Variants in EPHA3 observed in about 807,000 individuals in gnomAD.
The protein encoded by EPHA3 is EPH receptor A3.
EPHA3 carries 42 observed loss-of-function variants against 107.1 expected under a neutral mutation model. The observed-to-expected ratio is 0.39, with a 90% CI of 0.31 to 0.51. The LOEUF is 0.51. EPHA3 is among the 20% of genes least tolerant of loss of function. The pLI is 0.78. For synonymous variants in EPHA3, 461 were observed against 424.8 expected, an observed-to-expected ratio of 1.09 and a Z score of -1.05; for missense variants, 1,183 against 1,211.2, an observed-to-expected ratio of 0.98 and a Z score of 0.35.
chr3:89,194,762 C>T (rs1183617588), intron 2 of EPHA3, among the ~76,000 whole-genome samples: 4 of 152,036 alleles, frequency 2.6e-5, no homozygotes, highest in Non-Finnish European at 5.9e-5. Flanking sequence ...TCTATAATAC[C>T]TATACAGTTA....
At chr3:89,230,530 A>G (rs1704603502) in intron 3 of EPHA3, among the ~76,000 whole-genome samples, 1 of 152,088 alleles carries the variant, frequency 6.6e-6, no homozygotes, top group African/African-American at 2.4e-5. Context: ...CTTATGGATG[A>G]ACACTATGGT....
intron 2 of EPHA3, among the ~76,000 whole-genome samples, chr3:89,190,243 A>T (rs1351016337): frequency 2.0e-5 from 3 of 152,172 alleles, no homozygotes; most frequent in Non-Finnish European, 4.4e-5. Flanking sequence ...GACCGGTCTG[A>T]TGATAGTACT....
intron 13 of EPHA3, among the ~76,000 whole-genome samples, chr3:89,434,090 T>C (rs1363945134): frequency 6.6e-6 from 1 of 152,200 alleles, no homozygotes; most frequent in African/African-American, 2.4e-5. Flanking sequence ...ACAACAATCA[T>C]ATTATGCCAG....
chr3:89,477,249 A>T (rs1362982674), intron 16 of EPHA3, among the ~76,000 whole-genome samples: 1 of 152,146 alleles, frequency 6.6e-6, no homozygotes, highest in African/African-American at 2.4e-5. Context: ...GGCAAGCCTC[A>T]CATTCCCATA....
chr3:89,266,888 A>T (rs1034858423), intron 3 of EPHA3, among the ~76,000 whole-genome samples: 22 of 152,148 alleles, frequency 1.4e-4, no homozygotes, highest in Non-Finnish European at 2.5e-4. Context: ...GTGTTCAAAT[A>T]CAATTTTCTT....
chr3:89,123,599 GC>G (rs1280058014), intron 1 of EPHA3, among the ~76,000 whole-genome samples: 1 of 151,994 alleles, frequency 6.6e-6, no homozygotes, highest in Non-Finnish European at 1.5e-5. Flanking sequence ...ATGAATATAA[GC>G]CCCTTCTAGT....
intron 1 of EPHA3, among the ~76,000 whole-genome samples, chr3:89,116,087 T>A (rs1161354542): frequency 6.6e-6 from 1 of 152,162 alleles, no homozygotes; most frequent in Non-Finnish European, 1.5e-5. Context: ...AGAAACTAAG[T>A]TAAAGGAATT....
chr3:89,203,500 G>A (rs1449735410), intron 2 of EPHA3, among the ~76,000 whole-genome samples: 1 of 152,016 alleles, frequency 6.6e-6, no homozygotes, highest in East Asian at 1.9e-4. Context: ...CCGGCTGGGC[G>A]CGGTGGCTCA....
chr3:89,352,180 AGAAT>A (rs1368196052), intron 5 of EPHA3, among the ~76,000 whole-genome samples: 1 of 151,386 alleles, frequency 6.6e-6, no homozygotes, highest in Non-Finnish European at 1.5e-5. Flanking sequence ...TGCTTTAGAC[AGAAT>A]GACCTCTATT....
chr3:89,470,010 GA>G (rs1710368337), intron 15 of EPHA3, among the ~76,000 whole-genome samples: 1 of 151,764 alleles, frequency 6.6e-6, no homozygotes, highest in South Asian at 2.1e-4. Flanking sequence ...GAAAGATTCT[GA>G]AGAACTAAAA....
intron 5 of EPHA3, among the ~76,000 whole-genome samples, chr3:89,395,232 AC>A (rs1438882493): frequency 6.6e-6 from 1 of 152,322 alleles, no homozygotes; most frequent in Non-Finnish European, 1.5e-5. Context: ...AAGAAATAAA[AC>A]TGTACAAAAG....
intron 5 of EPHA3, among the ~76,000 whole-genome samples, chr3:89,359,778 T>TACAC (rs1559663646): frequency 1.4e-5 from 2 of 143,488 alleles, no homozygotes; most frequent in African/African-American, 5.2e-5. Context: ...CACACATATA[T>TACAC]ATACATATAT....
intron 2 of EPHA3, among the ~76,000 whole-genome samples, chr3:89,154,767 A>C (rs1241558708): frequency 1.3e-5 from 2 of 151,078 alleles, no homozygotes; most frequent in African/African-American, 4.8e-5. Flanking sequence ...TTTAAAAAAA[A>C]CAGGATTTTA....
intron 3 of EPHA3, among the ~76,000 whole-genome samples, chr3:89,261,582 T>A (rs1267885637): frequency 6.6e-6 from 1 of 152,114 alleles, no homozygotes; most frequent in Admixed American, 6.6e-5. Flanking sequence ...CAGCACAGGG[T>A]TTGTATATAA....
intron 3 of EPHA3, among the ~76,000 whole-genome samples, chr3:89,320,333 G>A (rs1707014389): frequency 6.6e-6 from 1 of 151,966 alleles, no homozygotes; most frequent in South Asian, 2.1e-4. Flanking sequence ...TTCATCTCGT[G>A]CTATTCTCTA....
intron 2 of EPHA3, among the ~76,000 whole-genome samples, chr3:89,137,973 G>A (rs7428598): frequency 0.53 from 80,186 of 151,482 alleles, 22,189 homozygotes; most frequent in Admixed American, 0.64. Flanking sequence ...CCCAGCAATA[G>A]GATTTTTAAT....
At chr3:89,227,960 C>T (rs1487777451) in intron 3 of EPHA3, among the ~76,000 whole-genome samples, 2 of 152,026 alleles carry the variant, frequency 1.3e-5, no homozygotes, top group African/African-American at 4.8e-5. Context: ...CATGTTAGGG[C>T]TCTATGTACA....
intron 2 of EPHA3, among the ~76,000 whole-genome samples, chr3:89,201,980 C>T (rs1398272252): frequency 6.6e-6 from 1 of 152,152 alleles, no homozygotes; most frequent in Non-Finnish European, 1.5e-5. Flanking sequence ...TTTGCTAAGC[C>T]TGCTGACACT....
chr3:89,318,692 T>C (rs1425480171), intron 3 of EPHA3, among the ~76,000 whole-genome samples: 1 of 151,918 alleles, frequency 6.6e-6, no homozygotes, highest in Non-Finnish European at 1.5e-5. Flanking sequence ...TGTAGAACTT[T>C]TGCTTATGGA....
Sources: allele counts gnomAD v4.1 joint callset (sites outside exome capture counted in the v4.1 genomes callset), GRCh38; gene constraint gnomAD v4.1.1; transcripts MANE v1.5; gene names NCBI Gene and HGNC (gene_info 2026-07-23, HGNC 2026-07-21).